Variants in LRRC4C observed in about 807,000 individuals in gnomAD.
The protein encoded by LRRC4C is leucine rich repeat containing 4C.
A neutral mutation model predicts 33.6 loss-of-function variants in LRRC4C; 5 were observed. The ratio of observed to expected loss-of-function variants is 0.15; its 90% CI spans 0.08 to 0.31. The LOEUF (loss-of-function observed/expected upper bound fraction) is 0.31, where lower values mean the gene tolerates loss of function less well. LRRC4C is among the 10% of genes least tolerant of loss of function. The probability of loss-of-function intolerance (pLI) is 1.00; values close to 1 mark genes in which losing one functional copy is unlikely to be tolerated. For missense variants in LRRC4C, 560 were observed against 796.7 expected (o/e 0.70, Z 3.58); for synonymous variants, 329 against 302.0 (o/e 1.09, Z -0.93).
At chr11:41,224,147 A>C (rs894346712) in intron 1 of LRRC4C, among the ~76,000 whole-genome samples, 5 of 152,190 alleles carry the variant, frequency 3.3e-5, no homozygotes, top group African/African-American at 1.2e-4. Context: ...TAAAACACTT[A>C]AGTGGATTAA....
At chr11:41,129,176 A>T (rs1228056273) in intron 1 of LRRC4C, among the ~76,000 whole-genome samples, 1 of 151,962 alleles carries the variant, frequency 6.6e-6, no homozygotes, top group Non-Finnish European at 1.5e-5. Flanking sequence ...AAATAGAATT[A>T]AAAAAGAAAA....
chr11:40,836,731 T>C lies in LRRC4C; in HGVS notation c.-407+96904A>G, dbSNP rs1952687457. 3.3e-5 allele frequency among the ~76,000 whole-genome samples: 5 copies of C among 152,294 alleles called. 1 individual carries two copies. The South Asian group carries it at 1.0e-3, about 32-fold the overall frequency. On this transcript the variant is annotated intron_variant, in intron 2 of 6. Coordinates refer to ENST00000528697, the MANE Select transcript of LRRC4C (RefSeq NM_001258419.2). The stretch of plus-strand genomic sequence containing the variant: ...ATGTCCTACAGCAAGTTATTTAATC[T>C]CTCTGAGCTTTACCTCCCCTTGTTC...
intron 1 of LRRC4C, among the ~76,000 whole-genome samples, chr11:41,459,151 A>AT (rs1278482251): frequency 6.6e-6 from 1 of 152,022 alleles, no homozygotes; most frequent in Admixed American, 6.6e-5. Flanking sequence ...AGGCGGAATT[A>AT]TTTTTTTCCA....
chr11:40,216,910 C>T (rs1297649822), intron 5 of LRRC4C, among the ~76,000 whole-genome samples: 1 of 152,102 alleles, frequency 6.6e-6, no homozygotes, highest in African/African-American at 2.4e-5. Flanking sequence ...GCAGCAATCA[C>T]AGAGCATCTG....
At chr11:40,781,723 A>C (rs1950217522) in intron 2 of LRRC4C, among the ~76,000 whole-genome samples, 3 of 152,148 alleles carry the variant, frequency 2.0e-5, no homozygotes, top group Admixed American at 2.0e-4. Context: ...CTTCCCCTGT[A>C]TTCAACTGGA....
intron 5 of LRRC4C, among the ~76,000 whole-genome samples, chr11:40,147,110 T>C (rs552581284): frequency 9.2e-5 from 14 of 152,300 alleles, no homozygotes; most frequent in Admixed American, 9.2e-4. Flanking sequence ...TGCCTCATGT[T>C]GCAAGTGCCT....
At chr11:41,227,448 C>T (rs761437977) in intron 1 of LRRC4C, among the ~76,000 whole-genome samples, 21 of 152,066 alleles carry the variant, frequency 1.4e-4, no homozygotes, top group Middle Eastern at 3.4e-3. Context: ...ATATACCAAA[C>T]GGTTGCAACC....
intron 3 of LRRC4C, among the ~76,000 whole-genome samples, chr11:40,368,884 A>G (rs925803194): frequency 6.6e-6 from 1 of 152,166 alleles, no homozygotes; most frequent in African/African-American, 2.4e-5. Context: ...TCTGAGCCAC[A>G]ATGATCTAAT....
At chr11:40,890,400 T>C (rs962078695) in intron 2 of LRRC4C, among the ~76,000 whole-genome samples, 1 of 152,058 alleles carries the variant, frequency 6.6e-6, no homozygotes, top group Non-Finnish European at 1.5e-5. Context: ...TCTGTCATGA[T>C]TATAAACTCA....
chr11:40,152,924 C>T (rs1858347797), intron 5 of LRRC4C, among the ~76,000 whole-genome samples: 1 of 152,146 alleles, frequency 6.6e-6, no homozygotes, highest in African/African-American at 2.4e-5. Flanking sequence ...ACCTGTCCCT[C>T]TCCACACTAC....
intron 2 of LRRC4C, among the ~76,000 whole-genome samples, chr11:40,705,292 G>T (rs1027031913): frequency 6.6e-6 from 1 of 151,906 alleles, no homozygotes; most frequent in African/African-American, 2.4e-5. Flanking sequence ...GTGCCTCTTT[G>T]GTTTGCTGCA....
At chr11:40,474,157 C>CA (rs1052511002) in intron 3 of LRRC4C, among the ~76,000 whole-genome samples, 1 of 151,908 alleles carries the variant, frequency 6.6e-6, no homozygotes, top group Non-Finnish European at 1.5e-5. Flanking sequence ...CAATCCTAAG[C>CA]AAAAAAACAA....
intron 2 of LRRC4C, among the ~76,000 whole-genome samples, chr11:40,712,995 T>A (rs549868744): frequency 2.0e-5 from 3 of 151,938 alleles, no homozygotes; most frequent in African/African-American, 7.2e-5. Context: ...TTCAAATGAT[T>A]CTCCTGCCTC....
chr11:40,206,483 C>T (rs1489485202), intron 5 of LRRC4C, among the ~76,000 whole-genome samples: 2 of 152,148 alleles, frequency 1.3e-5, no homozygotes, highest in African/African-American at 2.4e-5. Flanking sequence ...CTTAAATGAT[C>T]CACCTGCCTC....
At chr11:40,138,454 G>A (rs894739593) in intron 6 of LRRC4C, among the ~76,000 whole-genome samples, 1 of 152,136 alleles carries the variant, frequency 6.6e-6, no homozygotes, top group Non-Finnish European at 1.5e-5. Context: ...CTACTACTAT[G>A]ATGTACTAGC....
chr11:40,566,690 A>G (rs1055586114), intron 3 of LRRC4C, among the ~76,000 whole-genome samples: 2 of 152,128 alleles, frequency 1.3e-5, no homozygotes, highest in Admixed American at 1.3e-4. Flanking sequence ...CATAGGTAGC[A>G]ATTTCAATTT....
At chr11:40,443,546 T>C (rs1222412866) in intron 3 of LRRC4C, among the ~76,000 whole-genome samples, 2 of 152,098 alleles carry the variant, frequency 1.3e-5, no homozygotes, top group African/African-American at 4.8e-5. Flanking sequence ...TGTCAAAAAC[T>C]CTCCAAGCAT....
intron 1 of LRRC4C, among the ~76,000 whole-genome samples, chr11:41,333,610 C>A (rs1951362018): frequency 6.6e-6 from 1 of 152,002 alleles, no homozygotes; most frequent in South Asian, 2.1e-4. Context: ...TGCTGACTGC[C>A]CTTAACAGCT....
intron 3 of LRRC4C, among the ~76,000 whole-genome samples, chr11:40,614,422 T>G (rs1419112215): frequency 6.6e-6 from 1 of 151,700 alleles, no homozygotes; most frequent in African/African-American, 2.4e-5. Flanking sequence ...AATCATATAA[T>G]TAAAGAGAGT....
Sources: gnomAD v4.1 joint callset for allele counts (sites outside exome capture counted in the v4.1 genomes callset) on GRCh38, gnomAD v4.1.1 for gene constraint, MANE v1.5 for transcripts, NCBI Gene and HGNC (gene_info 2026-07-23, HGNC 2026-07-21) for gene names.